Variants in IMMP2L observed in about 807,000 individuals in gnomAD.
The protein encoded by IMMP2L is inner mitochondrial membrane peptidase subunit 2, also known as mitochondrial inner membrane protease subunit 2.
A neutral mutation model predicts 19.3 loss-of-function variants in IMMP2L; 18 were observed. That is an observed-to-expected ratio of 0.93 (90% CI 0.64 to 1.38). IMMP2L has a LOEUF of 1.38. IMMP2L is among the 40% of genes most tolerant of loss of function. The pLI is 0.00. For missense variants in IMMP2L, 233 were observed against 218.2 expected (o/e 1.07, Z -0.43); for synonymous variants, 76 against 73.0 (o/e 1.04, Z -0.21).
At chr7:110,682,757 A>AC (rs1297509451) in intron 5 of IMMP2L, among the ~76,000 whole-genome samples, 22 of 152,264 alleles carry the variant, frequency 1.4e-4, no homozygotes, top group South Asian at 4.1e-4. Context: ...GAGTTCAGGC[A>AC]AGGGTGTGAA....
intron 3 of IMMP2L, among the ~76,000 whole-genome samples, chr7:111,152,883 C>T (rs1804233468): frequency 6.6e-6 from 1 of 152,058 alleles, no homozygotes; most frequent in Non-Finnish European, 1.5e-5. Context: ...GAACTTAGGA[C>T]AGTGCCAGGT....
At chr7:110,928,994 C>G (rs544736429) in intron 4 of IMMP2L, among the ~76,000 whole-genome samples, 1 of 152,170 alleles carries the variant, frequency 6.6e-6, no homozygotes, top group African/African-American at 2.4e-5. Context: ...TATTGGACAC[C>G]CTGTTGAAAT....
chr7:111,065,986 ATTTTTTT>A (rs57080906), intron 3 of IMMP2L, among the ~76,000 whole-genome samples: 1 of 101,398 alleles, frequency 9.9e-6, no homozygotes, highest in Non-Finnish European at 2.1e-5. Flanking sequence ...GCAGGCTGTA[ATTTTTTT>A]TTTTTTTTTT....
intron 5 of IMMP2L, among the ~76,000 whole-genome samples, chr7:110,883,038 T>A (rs548980044): frequency 6.6e-6 from 1 of 152,136 alleles, no homozygotes; most frequent in Non-Finnish European, 1.5e-5. Context: ...AAACATAAAG[T>A]TTACTTTTTC....
intron 3 of IMMP2L, among the ~76,000 whole-genome samples, chr7:111,062,681 T>A (rs746131009): frequency 1.3e-5 from 2 of 152,116 alleles, no homozygotes; most frequent in Non-Finnish European, 2.9e-5. Context: ...ATTGGGCAAA[T>A]ACAGCTGTTC....
At chr7:110,974,821 A>C (rs2129557139) in intron 3 of IMMP2L, among the ~76,000 whole-genome samples, 1 of 152,284 alleles carries the variant, frequency 6.6e-6, no homozygotes, top group Non-Finnish European at 1.5e-5. Flanking sequence ...TGTCAATTAG[A>C]AAATATGCAA....
chr7:111,239,691 T>G (rs990411867), intron 3 of IMMP2L, among the ~76,000 whole-genome samples: 2 of 151,932 alleles, frequency 1.3e-5, no homozygotes, highest in Non-Finnish European at 2.9e-5. Context: ...CATTTTCAAC[T>G]GCCTGTGTTT....
chr7:111,147,326 A>T (rs2129601301), intron 3 of IMMP2L, among the ~76,000 whole-genome samples: 1 of 152,196 alleles, frequency 6.6e-6, no homozygotes, highest in East Asian at 1.9e-4. Context: ...TCAATAAGAA[A>T]TTGGTTTAAT....
At chr7:111,503,799 T>C (rs1176512791) in intron 2 of IMMP2L, among the ~76,000 whole-genome samples, 10 of 152,028 alleles carry the variant, frequency 6.6e-5, no homozygotes, top group South Asian at 6.2e-4. Flanking sequence ...CTCAATAAAT[T>C]AGATATTGAT....
intron 3 of IMMP2L, among the ~76,000 whole-genome samples, chr7:111,329,738 T>C (rs774337290): frequency 2.6e-5 from 4 of 151,774 alleles, no homozygotes; most frequent in African/African-American, 4.8e-5. Context: ...TCGAATTACA[T>C]AAAACAAAAG....
At chr7:111,475,552 T>C (rs912628985) in intron 3 of IMMP2L, among the ~76,000 whole-genome samples, 1 of 152,140 alleles carries the variant, frequency 6.6e-6, no homozygotes, top group Non-Finnish European at 1.5e-5. Flanking sequence ...TATGGTATCT[T>C]TATTTAGCAA....
At chr7:111,315,724 G>A (rs1334647088) in intron 3 of IMMP2L, among the ~76,000 whole-genome samples, 2 of 149,810 alleles carry the variant, frequency 1.3e-5, no homozygotes, top group Non-Finnish European at 3.0e-5. Context: ...ATTTCCTAGT[G>A]GCTTCTTAAA....
chr7:111,268,616 C>T, intron 3 of IMMP2L, among the ~76,000 whole-genome samples: 1 of 65,350 alleles, frequency 1.5e-5, no homozygotes, highest in Non-Finnish European at 2.8e-5. Flanking sequence ...TTTTTGAGAC[C>T]AAGTCTTGCT....
intron 3 of IMMP2L, among the ~76,000 whole-genome samples, chr7:111,019,587 A>G (rs1345509455): frequency 6.6e-6 from 1 of 152,202 alleles, no homozygotes; most frequent in Non-Finnish European, 1.5e-5. Flanking sequence ...GCCTCCTCTT[A>G]CACAAGGTCT....
chr7:110,921,676 A>G (rs1585276175), intron 4 of IMMP2L, among the ~76,000 whole-genome samples: 1 of 152,152 alleles, frequency 6.6e-6, no homozygotes, highest in South Asian at 2.1e-4. Context: ...ATTGGCTGGG[A>G]TCACATTATG....
chr7:110,690,754 T>G (rs532788061), intron 5 of IMMP2L, among the ~76,000 whole-genome samples: 119 of 152,022 alleles, frequency 7.8e-4, no homozygotes, highest in Non-Finnish European at 1.4e-3. Flanking sequence ...TCTAGGAATA[T>G]ACTTTACCAA....
chr7:110,872,131 G>C (rs964678132), intron 5 of IMMP2L, among the ~76,000 whole-genome samples: 1 of 152,094 alleles, frequency 6.6e-6, no homozygotes, highest in African/African-American at 2.4e-5. Context: ...GTTGCAAGTA[G>C]AGAATAGAAT....
chr7:110,987,746 T>C (rs1822008779), intron 3 of IMMP2L, among the ~76,000 whole-genome samples: 1 of 152,166 alleles, frequency 6.6e-6, no homozygotes, highest in South Asian at 2.1e-4. Flanking sequence ...AGAATATCTT[T>C]TTGGCCTAAA....
At chr7:111,074,715 A>C (rs1441871790) in intron 3 of IMMP2L, among the ~76,000 whole-genome samples, 2 of 152,164 alleles carry the variant, frequency 1.3e-5, no homozygotes, top group Non-Finnish European at 2.9e-5. Flanking sequence ...ATTTTTCTTC[A>C]AATGCCTTTT....
Sources: gnomAD v4.1 joint callset for allele counts (sites outside exome capture counted in the v4.1 genomes callset) on GRCh38, gnomAD v4.1.1 for gene constraint, MANE v1.5 for transcripts, NCBI Gene and HGNC (gene_info 2026-07-23, HGNC 2026-07-21) for gene names.